MTUS2: variants seen among roughly 807,000 people sequenced by gnomAD.
MTUS2 encodes the protein microtubule associated scaffold protein 2.
MTUS2 carries 40 observed loss-of-function variants against 114.1 expected under a neutral mutation model. The observed-to-expected ratio is 0.35, with a 90% confidence interval of 0.27 to 0.46. MTUS2 has a LOEUF of 0.46. MTUS2 is among the 20% of genes least tolerant of loss of function. The pLI, the probability that MTUS2 is intolerant of heterozygous loss-of-function variation, is 1.00. For synonymous variants in MTUS2, 688 were observed against 672.0 expected, an observed-to-expected ratio of 1.02 and a Z score of -0.37; for missense variants, 1,679 against 1,705.4, an observed-to-expected ratio of 0.98 and a Z score of 0.27.
chr13:29,493,356 C>A (rs1387985107), intron 12 of MTUS2, among the ~76,000 whole-genome samples: 1 of 152,158 alleles, frequency 6.6e-6, no homozygotes, highest in African/African-American at 2.4e-5. Flanking sequence ...ACATTGACAA[C>A]CCCCAGCCCC....
intron 2 of MTUS2, among the ~76,000 whole-genome samples, chr13:29,021,309 G>A (rs569639777): frequency 6.6e-6 from 1 of 152,282 alleles, no homozygotes; most frequent in South Asian, 2.1e-4. Context: ...AAAATACTGG[G>A]CCCCTAGGAG....
chr13:29,352,842 C>G (rs1424250885), intron 7 of MTUS2, among the ~76,000 whole-genome samples: 2 of 152,208 alleles, frequency 1.3e-5, no homozygotes, highest in Admixed American at 6.5e-5. Context: ...TTTGCAGTAT[C>G]TAATCTACTC....
chr13:29,158,916 C>T (rs935532878), intron 5 of MTUS2, among the ~76,000 whole-genome samples: 1 of 152,186 alleles, frequency 6.6e-6, no homozygotes, highest in Admixed American at 6.5e-5. Context: ...GGGAGACTGG[C>T]ATAAACCAGC....
intron 1 of MTUS2, among the ~76,000 whole-genome samples, chr13:28,832,922 A>G (rs1467995760): frequency 6.6e-6 from 1 of 151,938 alleles, no homozygotes; most frequent in Non-Finnish European, 1.5e-5. Context: ...AGAGAAATAA[A>G]ATAAGAACAT....
chr13:29,002,971 A>G (rs1885451506), intron 2 of MTUS2, among the ~76,000 whole-genome samples: 1 of 152,196 alleles, frequency 6.6e-6, no homozygotes. Flanking sequence ...AGATATTCAA[A>G]GATTAGACTC....
intron 6 of MTUS2, among the ~76,000 whole-genome samples, chr13:29,314,570 ATATGTAAAAT>A (rs1899908775): frequency 2.0e-5 from 3 of 152,232 alleles, no homozygotes; most frequent in African/African-American, 7.2e-5. Flanking sequence ...TTACTGAAAT[ATATGTAAAAT>A]GTAAATATCA....
At chr13:29,351,464 C>T (rs1363097867) in intron 7 of MTUS2, among the ~76,000 whole-genome samples, 1 of 152,216 alleles carries the variant, frequency 6.6e-6, no homozygotes, top group African/African-American at 2.4e-5. Flanking sequence ...CTTTCTCCCC[C>T]TCTGGACATC....
intron 7 of MTUS2, among the ~76,000 whole-genome samples, chr13:29,329,180 G>A (rs1461661643): frequency 6.6e-5 from 10 of 151,988 alleles, no homozygotes; most frequent in Admixed American, 1.3e-4. Flanking sequence ...TGTAGAGGAT[G>A]TGCAGGTTTG....
chr13:29,217,657 A>C (rs999362684), intron 5 of MTUS2, among the ~76,000 whole-genome samples: 1 of 152,224 alleles, frequency 6.6e-6, no homozygotes, highest in African/African-American at 2.4e-5. Flanking sequence ...GTTTTTTACA[A>C]TGACTGATTC....
intron 5 of MTUS2, among the ~76,000 whole-genome samples, chr13:29,169,861 A>G (rs1893479629): frequency 6.6e-6 from 1 of 152,178 alleles, no homozygotes; most frequent in Non-Finnish European, 1.5e-5. Flanking sequence ...AGCCTAGGAC[A>G]AGGATTTGAC....
At chr13:29,160,994 G>A (rs1893073496) in intron 5 of MTUS2, among the ~76,000 whole-genome samples, 1 of 152,138 alleles carries the variant, frequency 6.6e-6, no homozygotes, top group Non-Finnish European at 1.5e-5. Context: ...TAGTTCAAAG[G>A]GTTATGGATG....
At chr13:29,380,057 A>T (rs892777821) in intron 8 of MTUS2, among the ~76,000 whole-genome samples, 8 of 152,160 alleles carry the variant, frequency 5.3e-5, no homozygotes, top group Admixed American at 2.0e-4. Flanking sequence ...AGTCTTGCAG[A>T]TGGAAATTGG....
At chr13:28,914,707 A>T (rs187867029) in intron 2 of MTUS2, among the ~76,000 whole-genome samples, 2 of 151,890 alleles carry the variant, frequency 1.3e-5, no homozygotes, top group African/African-American at 4.8e-5. Context: ...CTATTATTGC[A>T]TGGGAGTCTA....
chr13:29,266,025 G>A (rs529564328), intron 5 of MTUS2, among the ~76,000 whole-genome samples: 2 of 152,278 alleles, frequency 1.3e-5, no homozygotes, highest in Non-Finnish European at 2.9e-5. Flanking sequence ...ACCACTGAGA[G>A]TGATCATAGT....
chr13:29,066,247 C>T (rs1470301119), intron 4 of MTUS2, among the ~76,000 whole-genome samples: 1 of 152,168 alleles, frequency 6.6e-6, no homozygotes, highest in Non-Finnish European at 1.5e-5. Flanking sequence ...GTGTTTTCTT[C>T]ACTTTCTTTA....
intron 8 of MTUS2, among the ~76,000 whole-genome samples, chr13:29,439,551 G>A (rs943523014): frequency 3.9e-5 from 6 of 152,144 alleles, no homozygotes; most frequent in African/African-American, 1.2e-4. Context: ...AAAAGGGTAA[G>A]TTTAAAAAAC....
chr13:29,272,576 G>T (rs752949154), intron 5 of MTUS2, among the ~76,000 whole-genome samples: 7 of 152,148 alleles, frequency 4.6e-5, no homozygotes, highest in Non-Finnish European at 1.0e-4. Flanking sequence ...TGGATCAGAA[G>T]CCCTAAGTTC....
intron 2 of MTUS2, among the ~76,000 whole-genome samples, chr13:28,938,520 T>G (rs1461467524): frequency 6.6e-6 from 1 of 152,008 alleles, no homozygotes; most frequent in African/African-American, 2.4e-5. Context: ...GGATATATAC[T>G]GCAAAGAAGG....
chr13:28,885,820 C>T (rs999874465), intron 2 of MTUS2, among the ~76,000 whole-genome samples: 1 of 152,174 alleles, frequency 6.6e-6, no homozygotes, highest in East Asian at 1.9e-4. Context: ...GTGGACAAAA[C>T]AGATCAAAAT....
Sources: gnomAD v4.1 joint callset for allele counts (sites outside exome capture counted in the v4.1 genomes callset) on GRCh38, gnomAD v4.1.1 for gene constraint, MANE v1.5 for transcripts, NCBI Gene and HGNC (gene_info 2026-07-23, HGNC 2026-07-21) for gene names.